The following RABGAP1L variants were observed in gnomAD, a reference collection of about 807,000 sequenced individuals.
RABGAP1L encodes the protein RAB GTPase activating protein 1 like, also known as rab GTPase-activating protein 1-like.
A neutral mutation model predicts 137.7 loss-of-function variants in RABGAP1L; 63 were observed. That is an observed-to-expected ratio of 0.46 (90% confidence interval 0.37 to 0.56). The LOEUF (loss-of-function observed/expected upper bound fraction) is 0.56, where lower values mean the gene tolerates loss of function less well. Among genes scored for constraint, RABGAP1L ranks in the 20% least tolerant of loss-of-function variants. The probability of loss-of-function intolerance (pLI) is 0.00; values close to 1 mark genes in which losing one functional copy is unlikely to be tolerated. For missense variants in RABGAP1L, 1,095 were observed against 1,244.0 expected, an observed-to-expected ratio of 0.88 and a Z score of 1.80; for synonymous variants, 431 against 433.7, an observed-to-expected ratio of 0.99 and a Z score of 0.08.
intron 19 of RABGAP1L, among the ~76,000 whole-genome samples, chr1:174,956,547 A>C (rs1668546192): frequency 6.6e-6 from 1 of 152,128 alleles, no homozygotes; most frequent in Non-Finnish European, 1.5e-5. Flanking sequence ...CTATTATCTC[A>C]TACAGCATAA....
chr1:174,812,675 TA>T lies in RABGAP1L; in HGVS notation c.2340+717del, dbSNP rs563424180. Among the ~76,000 whole-genome samples the T allele has an allele frequency of 2.7e-3, 416 of 152,020 alleles. 4 individuals carry two copies. Among genetic ancestry groups the T allele is most frequent in the African/African-American group, 8.3e-3 (343 of 41,450 alleles). On this transcript the variant is annotated intron_variant, in intron 19 of 25. Transcript: ENST00000681986. The stretch of plus-strand genomic sequence containing the variant: ...CATTCTTGCAGAAGGAAACAGACAA[TA>T]AGCAACATAATAAATACATTATTTA...
chr1:174,665,965 A>G (rs945317789), intron 14 of RABGAP1L, among the ~76,000 whole-genome samples: 42 of 152,190 alleles, frequency 2.8e-4, no homozygotes, highest in African/African-American at 8.0e-4. Context: ...TGCGTACTAT[A>G]TTAAGTAATC....
At chr1:174,889,664 C>A (rs1476142472) in intron 19 of RABGAP1L, among the ~76,000 whole-genome samples, 1 of 152,036 alleles carries the variant, frequency 6.6e-6, no homozygotes, top group African/African-American at 2.4e-5. Context: ...CTTCTGGCTT[C>A]AAGCAATCCT....
chr1:174,532,949 C>G (rs1050566621), intron 13 of RABGAP1L, among the ~76,000 whole-genome samples: 1 of 152,078 alleles, frequency 6.6e-6, no homozygotes, highest in African/African-American at 2.4e-5. Context: ...GAAATAAACA[C>G]TATAGCCGGG....
intron 19 of RABGAP1L, among the ~76,000 whole-genome samples, chr1:174,864,026 T>C (rs572522973): frequency 6.6e-6 from 1 of 152,322 alleles, no homozygotes; most frequent in Non-Finnish European, 1.5e-5. Context: ...TTCTATAATA[T>C]TTCTTTTTAA....
At chr1:174,616,162 T>C (rs548206128) in intron 13 of RABGAP1L, among the ~76,000 whole-genome samples, 17 of 152,362 alleles carry the variant, frequency 1.1e-4, no homozygotes, top group Admixed American at 9.8e-4. Context: ...ATCACCTGTC[T>C]TCTGCGTCGC....
intron 7 of RABGAP1L, among the ~76,000 whole-genome samples, chr1:174,269,064 T>C (rs2148654089): frequency 6.6e-6 from 1 of 152,244 alleles, no homozygotes; most frequent in Non-Finnish European, 1.5e-5. Context: ...CGTCTAAGCC[T>C]CCCGAGTAGC....
In RABGAP1L at chr1:174,219,296, G is replaced by T. The variant is rs760545553; in HGVS notation, c.138+1G>T. On this transcript the variant is annotated splice_donor_variant, in intron 2 of 25. Transcript: ENST00000681986. LOFTEE classifies it high-confidence loss of function. ...ACATGAAGAAAAACCTCAACTGAAG[G>T]TATTTTTTTCTTTTCTACATATGGT... The T allele has an allele frequency of 1.3e-6, 2 of 1,541,756 alleles. No homozygotes were observed. The highest frequency in any genetic ancestry group is 2.8e-5 in the African/African-American group (2 of 71,540).
At chr1:174,639,379 A>G (rs972314142) in intron 14 of RABGAP1L, among the ~76,000 whole-genome samples, 6 of 152,198 alleles carry the variant, frequency 3.9e-5, no homozygotes, top group Non-Finnish European at 8.8e-5. Context: ...AAAAAAAGGT[A>G]TATGTTCATT....
chr1:174,862,128 GA>G (rs2149025091), intron 19 of RABGAP1L, among the ~76,000 whole-genome samples: 1 of 152,280 alleles, frequency 6.6e-6, no homozygotes, highest in African/African-American at 2.4e-5. Flanking sequence ...TATGGTATAA[GA>G]TAAGGGTCCA....
At chr1:174,554,778 T>G (rs1666770478) in intron 13 of RABGAP1L, among the ~76,000 whole-genome samples, 1 of 152,168 alleles carries the variant, frequency 6.6e-6, no homozygotes, top group South Asian at 2.1e-4. Context: ...ATATCACAGA[T>G]CATACTTGTT....
Position 174,257,748 on chromosome 1 carries a change from A to G in RABGAP1L, c.986+5158A>G, listed in dbSNP as rs576496193. Among the ~76,000 whole-genome samples, 85 of 152,322 alleles carry G rather than the reference A, an allele frequency of 5.6e-4. 1 individual carries two copies. The South Asian group carries it at 0.017, about 31-fold the overall frequency. The stretch of plus-strand genomic sequence containing the variant: ...AAAACACGAGTACACATTTGTACAC[A>G]TTAGGACAATTGTTTTTAAAGTTAC... On this transcript the variant is annotated intron_variant, in intron 7 of 25. Transcript: ENST00000681986.
chr1:174,781,931 G>C (rs1687045072), intron 18 of RABGAP1L, among the ~76,000 whole-genome samples: 1 of 152,160 alleles, frequency 6.6e-6, no homozygotes, highest in Non-Finnish European at 1.5e-5. Flanking sequence ...CTGTATCTCT[G>C]TTTTGGTACC....
chr1:174,397,459 C>G (rs1648008383), intron 13 of RABGAP1L, among the ~76,000 whole-genome samples: 1 of 152,112 alleles, frequency 6.6e-6, no homozygotes, highest in African/African-American at 2.4e-5. Context: ...CAGCAGCCTT[C>G]TGATTCTCTG....
chr1:174,363,646 C>A (rs1684330373), intron 11 of RABGAP1L, among the ~76,000 whole-genome samples: 1 of 152,112 alleles, frequency 6.6e-6, no homozygotes, highest in Non-Finnish European at 1.5e-5. Context: ...GAAAGACTTT[C>A]AGTTTTTCCC....
intron 7 of RABGAP1L, among the ~76,000 whole-genome samples, chr1:174,259,308 T>G (rs1384486194): frequency 6.6e-6 from 1 of 152,146 alleles, no homozygotes; most frequent in African/African-American, 2.4e-5. Flanking sequence ...TACTTACTCC[T>G]TACTTAGCAC....
chr1:174,208,557 T>G (rs1348019002), intron 1 of RABGAP1L, among the ~76,000 whole-genome samples: 1 of 152,190 alleles, frequency 6.6e-6, no homozygotes, highest in Non-Finnish European at 1.5e-5. Flanking sequence ...GATTTTTCTT[T>G]AGCCTATTGA....
intron 13 of RABGAP1L, among the ~76,000 whole-genome samples, chr1:174,503,979 CT>C (rs201333632): frequency 4.2e-4 from 60 of 142,278 alleles, no homozygotes; most frequent in African/African-American, 4.9e-4. Context: ...TTTTTCTTTT[CT>C]TTTTTTTTTT....
intron 10 of RABGAP1L, among the ~76,000 whole-genome samples, chr1:174,297,793 A>G (rs1436285082): frequency 3.9e-5 from 6 of 152,198 alleles, no homozygotes; most frequent in Non-Finnish European, 8.8e-5. Context: ...ACATATATAA[A>G]AATGAAACAA....
Sources: allele counts gnomAD v4.1 joint callset (sites outside exome capture counted in the v4.1 genomes callset), GRCh38; gene constraint gnomAD v4.1.1; transcripts MANE v1.5; gene names NCBI Gene and HGNC (gene_info 2026-07-23, HGNC 2026-07-21).